VWA1: variants seen among roughly 807,000 people sequenced by gnomAD.
VWA1 encodes the protein von Willebrand factor A domain-containing protein 1.
A neutral mutation model predicts 14.9 loss-of-function variants in VWA1; 12 were observed. That is an observed-to-expected ratio of 0.80 (90% CI 0.52 to 1.30). The LOEUF is 1.30. Among genes scored for constraint, VWA1 ranks in the 50% most tolerant of loss-of-function variants. The pLI, the probability that VWA1 is intolerant of heterozygous loss-of-function variation, is 0.00. For synonymous variants in VWA1, 368 were observed against 310.7 expected, an observed-to-expected ratio of 1.18 and a Z score of -1.94; for missense variants, 800 against 649.1, an observed-to-expected ratio of 1.23 and a Z score of -2.53.
chr1:1,438,102 G>T (rs3845296), intron 2 of VWA1, among the ~76,000 whole-genome samples: 3 of 152,004 alleles, frequency 2.0e-5, no homozygotes, highest in Non-Finnish European at 2.9e-5. Flanking sequence ...ATGAGGAACC[G>T]GCCACTGGCT....
Position 1,439,782 on chromosome 1 carries a change from C to T in VWA1, c.1333C>T (p.Pro445Ser), listed in dbSNP as rs1463298717. Reference protein sequence around the residue: ...APTPGTASREP With the variant: ...APTPGTASRES ...GACCCCGGGGACCGCCAGCCGTGAGCCGTAAGCCGGCGTCCCCGCCCAGCC... is the reference window on the plus strand; with the variant it reads ...GACCCCGGGGACCGCCAGCCGTGAGTCGTAAGCCGGCGTCCCCGCCCAGCC... The change falls in exon 3 of 3, where the codon CCG becomes TCG. Residue 445 changes from proline (P) to serine (S), a missense_variant. Pro to Ser is a moderately conservative substitution (Grantham distance 74). Coordinates refer to ENST00000476993, the MANE Select transcript of VWA1 (RefSeq NM_022834.5). The T allele has an allele frequency of 2.8e-6, 3 of 1,076,670 alleles. No individual in the cohort carries two copies. Among genetic ancestry groups the T allele is most frequent in the Non-Finnish European group, 3.4e-6 (3 of 888,954 alleles). The allele number at this position is 1,076,670 out of a possible 1,614,324, so 66.7% of individuals were successfully genotyped here.
chr1:1,439,680 C>T lies in VWA1; in HGVS notation c.1231C>T (p.Arg411Cys). The change falls in exon 3 of 3, where the codon CGC becomes TGC. Residue 411 changes from arginine (R) to cysteine (C), a missense_variant. Physicochemically the swap from Arg to Cys is radical, Grantham distance 180. Coordinates refer to ENST00000476993, the MANE Select transcript of VWA1 (RefSeq NM_022834.5). ...CGTGACCGCCGCCTTCCGCTCGGGC[C>T]GCGAGAGCGCGCTGTCCGCCAAGGC... ...VTVTAAFRSGRESALSAKACT... is the reference protein window; with the variant it reads ...VTVTAAFRSGCESALSAKACT... 1 of 1,288,716 alleles carries T rather than the reference C, an allele frequency of 7.8e-7. No homozygotes were observed. The highest frequency in any genetic ancestry group is 9.9e-7 in the Non-Finnish European group (1 of 1,008,870). 79.8% of individuals were successfully genotyped at this position (1,288,716 alleles called of 1,614,324 possible). A position where few individuals can be genotyped will look rare whatever the true frequency, so the allele number is the denominator to read the frequency against.
Position 1,439,738 on chromosome 1 carries a change from GC to G in VWA1, c.1293del (p.Val432CysfsTer107). On this transcript the variant is annotated frameshift_variant, in exon 3 of 3. Transcript: ENST00000476993. LOFTEE classifies it low-confidence loss of function (END_TRUNC). ...CTPDGPRPRP[R>X]PVPRAPTPGT... ...CCCGACGGCCCGCGCCCGCGCCCAC[GC>G]CCCGTGCCCCGCGCCCCGACCCCGG... The G allele has an allele frequency of 9.1e-7, 1 of 1,101,652 alleles. No homozygotes were observed. The highest frequency in any genetic ancestry group is 3.6e-5 in the South Asian group (1 of 27,682). 68.2% of individuals were successfully genotyped at this position (1,101,652 alleles called of 1,614,324 possible).
intron 1 of VWA1, 98 bp downstream of exon 1, chr1:1,435,919 G>GAGC: frequency 1.0e-5 from 8 of 802,410 alleles, no homozygotes; most frequent in Non-Finnish European, 1.1e-5. Context: ...CTCCGGACGG[G>GAGC]CGGGCGGGCT....
chr1:1,436,782 A>T, intron 1 of VWA1, 145 bp from the exon 2 acceptor site: 1 of 780,892 alleles, frequency 1.3e-6, no homozygotes, highest in Non-Finnish European at 2.0e-6. Flanking sequence ...CCTCTTGCTT[A>T]GAGTTCCTCT....
At chr1:1,438,026 G>A (rs897313977) in intron 2 of VWA1, among the ~76,000 whole-genome samples, 1 of 152,208 alleles carries the variant, frequency 6.6e-6, no homozygotes, top group East Asian at 1.9e-4. Flanking sequence ...GAGCTGAGCA[G>A]CTCCCATTGG....
rs112784440 is a variant in VWA1, at chr1:1,439,778, T to C, written c.1329T>C (p.Arg443=). 2 of 1,079,908 alleles carry C rather than the reference T, an allele frequency of 1.9e-6. No homozygotes were observed. Among genetic ancestry groups the C allele is most frequent in the African/African-American group, 1.7e-5 (1 of 58,324 alleles). 66.9% of individuals were successfully genotyped at this position (1,079,908 alleles called of 1,614,324 possible). Residue 443 remains arginine (R), a synonymous_variant, in exon 3 of 3, where the codon CGT becomes CGC. Coordinates refer to ENST00000476993, the MANE Select transcript of VWA1 (RefSeq NM_022834.5). ...PRAPTPGTAS[R]EP is the part of the protein sequence containing the mutation. Reference sequence around the variant, plus strand: ...CCCCGACCCCGGGGACCGCCAGCCGTGAGCCGTAAGCCGGCGTCCCCGCCC... The same window carrying C: ...CCCCGACCCCGGGGACCGCCAGCCGCGAGCCGTAAGCCGGCGTCCCCGCCC...
rs771469303 is a variant in VWA1, at chr1:1,437,067, C to T, written c.214C>T (p.Arg72Cys). The T allele has an allele frequency of 2.2e-5, 36 of 1,609,180 alleles. No individual in the cohort carries two copies. The highest frequency in any genetic ancestry group is 1.6e-4 in the Middle Eastern group (1 of 6,072). ...APLPLGTGALRASLVHVGSRP... is the reference protein window; with the variant it reads ...APLPLGTGALCASLVHVGSRP... The stretch of plus-strand genomic sequence containing the variant: ...ACTGCCCCTGGGCACCGGGGCCCTG[C>T]GTGCCAGTCTGGTGCACGTGGGCAG... The change falls in exon 2 of 3, where the codon CGT becomes TGT. Residue 72 changes from arginine (R) to cysteine (C), a missense_variant. Physicochemically the swap from Arg to Cys is radical, Grantham distance 180. Transcript: ENST00000476993.
In VWA1 at chr1:1,439,186, A is replaced by G. The variant is rs1352411820; in HGVS notation, c.737A>G (p.Glu246Gly). 1.2e-6 allele frequency: 2 copies of G among 1,606,008 alleles called. No homozygotes were observed. The highest frequency in any genetic ancestry group is 3.3e-5 in the Admixed American group (2 of 59,926). ...GCAGACTCGGGCTACTATGTGCTGG[A>G]GCTGGTGCCCAGCGCCCAGCCGGGG... Reference protein sequence around the residue: ...LTADSGYYVLELVPSAQPGAA... With the variant: ...LTADSGYYVLGLVPSAQPGAA... The change falls in exon 3 of 3, where the codon GAG (glutamate) becomes GGG (glycine). Residue 246 changes from glutamate (E) to glycine (G), a missense_variant. Coordinates refer to ENST00000476993, the MANE Select transcript of VWA1 (RefSeq NM_022834.5).
In VWA1 at chr1:1,437,247, C is replaced by A. The variant is rs765180560; in HGVS notation, c.394C>A (p.Arg132=). 4 of 1,610,452 alleles carry A rather than the reference C, an allele frequency of 2.5e-6. No individual in the cohort carries two copies. The highest frequency in any genetic ancestry group is 1.3e-5 in the African/African-American group (1 of 74,908). Residue 132 remains arginine, a synonymous_variant, in exon 2 of 3, where the codon CGG becomes AGG. Transcript: ENST00000476993. Reference sequence around the variant, plus strand: ...GCTGTTTGCTGAAGCATCAGGTGCCCGGCCAGGGGTGCCCAAAGTGCTGGT... The same window carrying A: ...GCTGTTTGCTGAAGCATCAGGTGCCAGGCCAGGGGTGCCCAAAGTGCTGGT... The part of the protein sequence containing the change: ...EQLFAEASGA[R]PGVPKVLVWV...
rs1258966053 is a variant in VWA1 at position 1,439,569 on chromosome 1, G to A, written c.1120G>A (p.Gly374Arg). 21 of 1,305,390 alleles carry A rather than the reference G, an allele frequency of 1.6e-5. No individual in the cohort carries two copies. Among genetic ancestry groups the A allele is most frequent in the Non-Finnish European group, 1.8e-5 (19 of 1,029,586 alleles). The allele number at this position is 1,305,390 out of a possible 1,614,324, so 80.9% of individuals were successfully genotyped here. A position where few individuals can be genotyped will look rare whatever the true frequency, so the allele number is the denominator to read the frequency against. Reference sequence around the variant, plus strand: ...CGTGCAGTTCGGGCCGCTGCGGGGCGGGGAGGCGCAGCGGGTGGAGGTGCC... The same window carrying A: ...CGTGCAGTTCGGGCCGCTGCGGGGCAGGGAGGCGCAGCGGGTGGAGGTGCC... ...YHVQFGPLRG[G>R]EAQRVEVPAG... The change falls in exon 3 of 3, where the codon GGG becomes AGG. Residue 374 changes from glycine (G) to arginine (R), a missense_variant. Transcript: ENST00000476993.
rs768918428 is a variant in VWA1, at chr1:1,436,899, G to A, written c.74-28G>A. The A allele has an allele frequency of 7.8e-6, 12 of 1,546,408 alleles. No homozygotes were observed. In the South Asian group the frequency reaches 1.4e-4, roughly 18 times the overall value. On this transcript the variant is annotated intron_variant, in intron 1 of 2. Transcript: ENST00000476993. ...GGGGCTGTCTGGGGGGCCCACACCT[G>A]AGGCTGAGCATTCCTCCTTTCCCCC...
rs1200753643 is a variant in VWA1, at chr1:1,435,811, C to G, written c.63C>G (p.Gly21=). The change falls in exon 1 of 3, where the codon GGC becomes GGG. Residue 21 remains glycine (G), a synonymous_variant. Transcript: ENST00000476993. ...TGCGGCTGGCGCTGGCGCGGAGCGG[C>G]GCGGAGCGCGGTGAGTGCGGCGGGC... ...LSLRLALARS[G]AERGPPASAP... 8.5e-7 allele frequency: 1 copy of G among 1,178,570 alleles called. No individual in the cohort carries two copies. Among genetic ancestry groups the G allele is most frequent in the Non-Finnish European group, 1.0e-6 (1 of 954,398 alleles). 73.0% of individuals were successfully genotyped at this position (1,178,570 alleles called of 1,614,324 possible). A position where few individuals can be genotyped will look rare whatever the true frequency, so the allele number is the denominator to read the frequency against.
In VWA1 at chr1:1,436,913, C is replaced by G; in HGVS notation, c.74-14C>G. 1 of 1,563,486 alleles carries G rather than the reference C, an allele frequency of 6.4e-7. No individual in the cohort carries two copies. Among genetic ancestry groups the G allele is most frequent in the Non-Finnish European group, 8.7e-7 (1 of 1,152,464 alleles). On this transcript the variant is annotated splice_polypyrimidine_tract_variant and intron_variant, in intron 1 of 2. Transcript: ENST00000476993. ...GGCCCACACCTGAGGCTGAGCATTC[C>G]TCCTTTCCCCCAGGTCCACCAGCAT...
Position 1,440,886 on chromosome 1 carries a change from A to C in VWA1, c.*1099A>C, listed in dbSNP as rs1638656756. 6.6e-6 allele frequency: 1 copy of C among 152,240 alleles called. No individual in the cohort carries two copies. The highest frequency in any genetic ancestry group is 1.5e-5 in the Non-Finnish European group (1 of 68,094). 9.4% of individuals were successfully genotyped at this position (152,240 alleles called of 1,614,324 possible). A position where few individuals can be genotyped will look rare whatever the true frequency, so the allele number is the denominator to read the frequency against. On this transcript the variant is annotated 3_prime_UTR_variant, in exon 3 of 3. Coordinates refer to ENST00000476993, the MANE Select transcript of VWA1 (RefSeq NM_022834.5). ...AGAGGAGGTGGAGCTGTCCCCTCCC[A>C]GTGTCAGGCCTCCTTGGTCCTCATG...
At chr1:1,438,890 T>TCCCCCAG (rs981882129) in intron 2 of VWA1, among the ~76,000 whole-genome samples, 191 bp from the exon 3 acceptor site, 1 of 152,076 alleles carries the variant, frequency 6.6e-6, no homozygotes, top group Non-Finnish European at 1.5e-5. Flanking sequence ...TCCTCCGTCC[T>TCCCCCAG]CCCCCAGCCA....
At position 1,436,970 on chromosome 1, in the gene VWA1, G is replaced by A. The variant is rs1322559097; in HGVS notation, c.117G>A (p.Leu39=). ...CCCGAGGGGACCTGATGTTCCTGCT[G>A]GACAGCTCAGCCAGCGTCTCTCACT... ...SAPRGDLMFL[L]DSSASVSHYE... The change falls in exon 2 of 3, where the codon CTG becomes CTA. Residue 39 remains leucine, a synonymous_variant. Coordinates refer to ENST00000476993, the MANE Select transcript of VWA1 (RefSeq NM_022834.5). 14 of 1,612,390 alleles carry A rather than the reference G, an allele frequency of 8.7e-6. No homozygotes were observed. Among genetic ancestry groups the A allele is most frequent in the Non-Finnish European group, 1.2e-5 (14 of 1,179,734 alleles).
chr1:1,436,224 C>G (rs1293428473), intron 1 of VWA1, among the ~76,000 whole-genome samples: 1 of 152,212 alleles, frequency 6.6e-6, no homozygotes, highest in Non-Finnish European at 1.5e-5. Flanking sequence ...AATTGAGGCA[C>G]GCTGGTGCCC....
Position 1,435,802 on chromosome 1 carries a change from G to A in VWA1, c.54G>A (p.Ala18=), listed in dbSNP as rs1005147851. Residue 18 remains alanine, a synonymous_variant, in exon 1 of 3, where the codon GCG becomes GCA. Coordinates refer to ENST00000476993, the MANE Select transcript of VWA1 (RefSeq NM_022834.5). ...GLALSLRLAL[A]RSGAERGPPA... ...CCCTGAGCTTGCGGCTGGCGCTGGC[G>A]CGGAGCGGCGCGGAGCGCGGTGAGT... 25 of 1,185,300 alleles carry A rather than the reference G, an allele frequency of 2.1e-5. No homozygotes were observed. In the African/African-American group the frequency reaches 3.9e-4, roughly 19 times the overall value. 73.4% of individuals were successfully genotyped at this position (1,185,300 alleles called of 1,614,324 possible). A position where few individuals can be genotyped will look rare whatever the true frequency, so the allele number is the denominator to read the frequency against.
Sources: allele counts gnomAD v4.1 joint callset (sites outside exome capture counted in the v4.1 genomes callset), GRCh38; gene constraint gnomAD v4.1.1; transcripts MANE v1.5; gene names NCBI Gene and HGNC (gene_info 2026-07-23, HGNC 2026-07-21).